The following SUGCT variants were observed in gnomAD, a reference collection of about 807,000 sequenced individuals.
SUGCT encodes the protein succinyl-CoA:glutarate CoA-transferase.
In SUGCT, 41 loss-of-function variants were observed where a neutral mutation model predicts 55.0. That is an observed-to-expected ratio of 0.74 (90% CI 0.58 to 0.97). SUGCT has a LOEUF of 0.97. Among genes scored for constraint, SUGCT ranks in the 50% least tolerant of loss-of-function variants. SUGCT has a pLI of 0.00. For missense variants in SUGCT, 568 were observed against 547.8 expected, an observed-to-expected ratio of 1.04 and a Z score of -0.37; for synonymous variants, 187 against 200.4, an observed-to-expected ratio of 0.93 and a Z score of 0.56.
chr7:40,233,628 G>T (rs1180366922), intron 6 of SUGCT, among the ~76,000 whole-genome samples: 1 of 152,080 alleles, frequency 6.6e-6, no homozygotes, highest in East Asian at 1.9e-4. Context: ...GATGTCTATT[G>T]TCATCATTTG....
intron 6 of SUGCT, among the ~76,000 whole-genome samples, chr7:40,234,306 G>A (rs901946370): frequency 6.6e-6 from 1 of 152,182 alleles, no homozygotes; most frequent in African/African-American, 2.4e-5. Flanking sequence ...GCTTCTTTCT[G>A]TTCCTGGAGA....
At chr7:40,866,723 T>C in the SUGCT span, among the ~76,000 whole-genome samples, 3 of 151,946 alleles carry the variant, frequency 2.0e-5, no homozygotes, top group African/African-American at 7.3e-5. Flanking sequence ...TTTTGTCTCA[T>C]TCTCTAGCTT....
the SUGCT span, among the ~76,000 whole-genome samples, chr7:41,009,509 T>TCCA: frequency 6.6e-6 from 1 of 151,602 alleles, no homozygotes. Flanking sequence ...TCCACCATCC[T>TCCA]TCCTTCCTTC....
intron 12 of SUGCT, among the ~76,000 whole-genome samples, chr7:40,582,623 C>T (rs1797164141): frequency 6.6e-6 from 1 of 152,122 alleles, no homozygotes; most frequent in Admixed American, 6.6e-5. Context: ...CAGAAGTCCT[C>T]CTCATCCTCT....
At chr7:40,247,997 GTGTTTTTGTTTTTT>G (rs936842923) in intron 7 of SUGCT, among the ~76,000 whole-genome samples, 23 of 126,632 alleles carry the variant, frequency 1.8e-4, no homozygotes, top group African/African-American at 4.1e-4. Flanking sequence ...TGTGATTCTT[GTGTTTTTGTTTTTT>G]TGTTTTTTTT....
At chr7:40,613,730 C>A (rs1473826540) in intron 12 of SUGCT, among the ~76,000 whole-genome samples, 2 of 152,148 alleles carry the variant, frequency 1.3e-5, no homozygotes, top group African/African-American at 4.8e-5. Flanking sequence ...CCTGCCCCAG[C>A]CTCCCAAGTA....
At chr7:40,438,697 A>G (rs1454633777) in intron 9 of SUGCT, among the ~76,000 whole-genome samples, 1 of 152,054 alleles carries the variant, frequency 6.6e-6, no homozygotes, top group Non-Finnish European at 1.5e-5. Flanking sequence ...TACAGGAGAC[A>G]GTCCTGACTG....
At chr7:40,984,184 C>T in the SUGCT span, among the ~76,000 whole-genome samples, 45 of 152,054 alleles carry the variant, frequency 3.0e-4, no homozygotes, top group Non-Finnish European at 3.4e-4. Context: ...CTCCCAAATA[C>T]GAAGATTTGG....
chr7:40,209,365 G>A (rs951682253), intron 6 of SUGCT, among the ~76,000 whole-genome samples: 18 of 152,138 alleles, frequency 1.2e-4, no homozygotes. Flanking sequence ...GAGCGTGGTG[G>A]CACTTGCCTG....
intron 12 of SUGCT, among the ~76,000 whole-genome samples, chr7:40,669,054 G>A (rs1011124814): frequency 2.6e-5 from 4 of 152,114 alleles, no homozygotes; most frequent in East Asian, 1.9e-4. Context: ...GCCCCCTTCT[G>A]TGATGTCGGT....
intron 12 of SUGCT, among the ~76,000 whole-genome samples, chr7:40,574,546 C>G (rs961770993): frequency 6.6e-6 from 1 of 152,104 alleles, no homozygotes; most frequent in Non-Finnish European, 1.5e-5. Flanking sequence ...ATTCTCTTGC[C>G]TCAGCCTCTC....
the SUGCT span, among the ~76,000 whole-genome samples, chr7:40,925,070 G>A: frequency 6.6e-6 from 1 of 152,160 alleles, no homozygotes; most frequent in African/African-American, 2.4e-5. Flanking sequence ...TGCAGTCTCT[G>A]TTTTTAGAAG....
intron 9 of SUGCT, among the ~76,000 whole-genome samples, chr7:40,426,136 A>G (rs1787574752): frequency 1.3e-5 from 2 of 152,174 alleles, no homozygotes; most frequent in Non-Finnish European, 2.9e-5. Context: ...TTGAGAAAGG[A>G]CTGAGAGAAG....
At chr7:40,599,768 T>A (rs1024678741) in intron 12 of SUGCT, among the ~76,000 whole-genome samples, 2 of 152,156 alleles carry the variant, frequency 1.3e-5, no homozygotes, top group Admixed American at 1.3e-4. Context: ...CAAGCAGTCC[T>A]TTCTTATTTT....
chr7:40,238,680 C>T (rs894695739), intron 7 of SUGCT, among the ~76,000 whole-genome samples: 2 of 151,874 alleles, frequency 1.3e-5, no homozygotes, highest in African/African-American at 4.8e-5. Flanking sequence ...TTTCCTTTGC[C>T]TCTATTTTCT....
At chr7:40,606,439 C>T (rs936696840) in intron 12 of SUGCT, among the ~76,000 whole-genome samples, 8 of 152,098 alleles carry the variant, frequency 5.3e-5, no homozygotes, top group Non-Finnish European at 1.2e-4. Flanking sequence ...AGAGAAAATG[C>T]AAAAGGGCGA....
chr7:40,751,147 T>G (rs1196609267), intron 13 of SUGCT, among the ~76,000 whole-genome samples: 1 of 152,110 alleles, frequency 6.6e-6, no homozygotes, highest in African/African-American at 2.4e-5. Context: ...ACTTATAACA[T>G]GACACTGAGG....
chr7:40,663,485 ATGTGTGTGTGTGTG>A (rs59033010), intron 12 of SUGCT, among the ~76,000 whole-genome samples: 21 of 135,064 alleles, frequency 1.6e-4, no homozygotes, highest in South Asian at 5.3e-4. Context: ...TTTGTGGTGT[ATGTGTGTGTGTGTG>A]TGTGTGTGTG....
the SUGCT span, among the ~76,000 whole-genome samples, chr7:40,899,485 A>G: frequency 9.2e-5 from 14 of 152,262 alleles, no homozygotes; most frequent in Non-Finnish European, 1.8e-4. Flanking sequence ...CTCAAGAGGC[A>G]ACGCACACGC....
Sources: allele counts gnomAD v4.1 joint callset (sites outside exome capture counted in the v4.1 genomes callset), GRCh38; gene constraint gnomAD v4.1.1; transcripts MANE v1.5; gene names NCBI Gene and HGNC (gene_info 2026-07-23, HGNC 2026-07-21).